Variants in ANKAR observed in about 807,000 individuals in gnomAD.
ANKAR encodes the protein ankyrin and armadillo repeat containing.
A neutral mutation model predicts 146.2 loss-of-function variants in ANKAR; 136 were observed. The observed-to-expected ratio is 0.93, with a 90% CI of 0.81 to 1.07. ANKAR has a LOEUF of 1.07. Among genes scored for constraint, ANKAR ranks in the 50% least tolerant of loss-of-function variants. The probability of loss-of-function intolerance (pLI) is 0.00; values close to 1 mark genes in which losing one functional copy is unlikely to be tolerated. For missense variants in ANKAR, 1,567 were observed against 1,679.9 expected, an observed-to-expected ratio of 0.93 and a Z score of 1.18; for synonymous variants, 500 against 575.8, an observed-to-expected ratio of 0.87 and a Z score of 1.88.
At position 189,730,507 on chromosome 2, in the gene ANKAR, C is replaced by T; in HGVS notation, c.3206C>T (p.Thr1069Ile). ...TGGACTCTTACAGGTGTAGCCCATA[C>T]AAGCAATCCTGTCAGTCAACAATTG... ...VGSICIGVAH[T>I]SNPVSQQLVV... is the part of the protein sequence containing the mutation. The change falls in exon 16 of 23, where the codon ACA becomes ATA. Residue 1069 changes from threonine to isoleucine, a missense_variant. Coordinates refer to ENST00000684021, the MANE Select transcript of ANKAR (RefSeq NM_001378068.1). 6.3e-7 allele frequency: 1 copy of T among 1,598,550 alleles called. No individual in the cohort carries two copies. Among genetic ancestry groups the T allele is most frequent in the Non-Finnish European group, 8.5e-7 (1 of 1,170,862 alleles).
chr2:189,745,198 AAAG>A (rs2043974742), intron 22 of ANKAR, among the ~76,000 whole-genome samples: 1 of 151,850 alleles, frequency 6.6e-6, no homozygotes, highest in Non-Finnish European at 1.5e-5. Flanking sequence ...CTCAAAAAAA[AAAG>A]TAGAGGGTAC....
chr2:189,720,537 C>T (rs1484747143), intron 11 of ANKAR, 82 bp from the exon 12 acceptor site: 2 of 1,061,718 alleles, frequency 1.9e-6, no homozygotes, highest in African/African-American at 3.3e-5. Flanking sequence ...TGAGCCACCA[C>T]TTCCGGCCAA....
At chr2:189,727,544 A>AAAAAAAAAG (rs1559126243) in intron 12 of ANKAR, among the ~76,000 whole-genome samples, 1 of 149,850 alleles carries the variant, frequency 6.7e-6, no homozygotes, top group African/African-American at 2.5e-5. Flanking sequence ...AAAAAAAAAA[A>AAAAAAAAAG]AAGGGTGGTG....
chr2:189,707,168 A>G, intron 9 of ANKAR, 22 bp downstream of exon 9: 1 of 1,296,854 alleles, frequency 7.7e-7, no homozygotes, highest in East Asian at 2.6e-5. Context: ...CTCTTTATAA[A>G]TACATGTTCT....
In ANKAR at chr2:189,689,956, CT is replaced by C. The variant is rs1372933355; in HGVS notation, c.1036del (p.Ser346GlnfsTer59). 4 of 1,496,190 alleles carry C rather than the reference CT, an allele frequency of 2.7e-6. No individual in the cohort carries two copies. Among genetic ancestry groups the C allele is most frequent in the South Asian group, 1.5e-5 (1 of 67,580 alleles). The allele number at this position is 1,496,190 out of a possible 1,614,324, so 92.7% of individuals were successfully genotyped here. On this transcript the variant is annotated frameshift_variant, in exon 3 of 23. Transcript: ENST00000684021. LOFTEE classifies it high-confidence loss of function. ...KVPYLSSLLQ[P>X]FSDDKVKTER... ...CCATATTTAAGTAGTCTGCTTCAGC[CT>C]TTTTCAGGTAAGAGTATCACCAAAA...
At chr2:189,742,848 A>C (rs2043478016) in intron 20 of ANKAR, among the ~76,000 whole-genome samples, 1 of 35,254 alleles carries the variant, frequency 2.8e-5, no homozygotes, top group Non-Finnish European at 1.5e-4. Context: ...ACACACACAC[A>C]CACATTAGAA....
chr2:189,748,905 C>G (rs2044607658), downstream of ANKAR, among the ~76,000 whole-genome samples: 1 of 152,142 alleles, frequency 6.6e-6, no homozygotes, highest in Non-Finnish European at 1.5e-5. Flanking sequence ...GACCATCCTA[C>G]CACTCCTAAA....
At chr2:189,691,685 A>G (rs1044441223) in intron 3 of ANKAR, among the ~76,000 whole-genome samples, 2 of 148,352 alleles carry the variant, frequency 1.3e-5, no homozygotes, top group Non-Finnish European at 3.0e-5. Context: ...TTGTATATAT[A>G]CATACATATA....
chr2:189,695,724 C>G (rs1159216281), intron 6 of ANKAR, among the ~76,000 whole-genome samples: 2 of 152,190 alleles, frequency 1.3e-5, no homozygotes, highest in Non-Finnish European at 2.9e-5. Flanking sequence ...CAAATTAAAA[C>G]CTCAAAAATT....
chr2:189,706,977 A>T lies in ANKAR; in HGVS notation c.1950A>T (p.Gly650=). 6.2e-7 allele frequency: 1 copy of T among 1,613,078 alleles called. No individual in the cohort carries two copies. The highest frequency in any genetic ancestry group is 2.2e-5 in the East Asian group (1 of 44,844). ...CTPLLLAATS[G]ALDTIQYLFS... is the part of the protein sequence containing the mutation. ...CACTGTTACTTGCTGCCACTTCAGG[A>T]GCACTGGACACTATTCAATACCTGT... The change falls in exon 9 of 23, where the codon GGA becomes GGT. Residue 650 remains glycine, a synonymous_variant. Coordinates refer to ENST00000684021, the MANE Select transcript of ANKAR (RefSeq NM_001378068.1).
downstream of ANKAR, chr2:189,762,833 T>C (rs2047328135): frequency 2.0e-6 from 2 of 985,460 alleles, no homozygotes; most frequent in Non-Finnish European, 2.4e-6. Context: ...AGCTGGCTGC[T>C]GTTCCGCTAG....
intron 2 of ANKAR, among the ~76,000 whole-genome samples, chr2:189,678,774 A>G (rs1430984045): frequency 6.6e-6 from 1 of 152,102 alleles, no homozygotes; most frequent in Non-Finnish European, 1.5e-5. Context: ...ATTCTGTTCC[A>G]TTGGTCTCTG....
chr2:189,727,478 C>T (rs1282083162), intron 12 of ANKAR, among the ~76,000 whole-genome samples: 1 of 127,156 alleles, frequency 7.9e-6, no homozygotes, highest in Non-Finnish European at 1.6e-5. Flanking sequence ...TGAGATCACA[C>T]ACACCACTGC....
At chr2:189,762,743 C>T (rs2047312621), downstream of ANKAR, 2 of 985,422 alleles carry the variant, frequency 2.0e-6, no homozygotes, top group South Asian at 9.4e-5. Context: ...AGACTGTCGA[C>T]TGCCCTTATC....
rs146452178 is a variant in ANKAR at position 189,709,273 on chromosome 2, AAG to A, written c.2120-1773_2120-1772del. On this transcript the variant is annotated intron_variant, in intron 9 of 22. Transcript: ENST00000684021. Reference sequence around the variant, plus strand: ...AAGTAAGAGGAAAGAGCAACGTTGAAAGAGTTAATTTCCCATTTTTCATAACA... The same window carrying A: ...AAGTAAGAGGAAAGAGCAACGTTGAAAGTTAATTTCCCATTTTTCATAACA... 3.3e-3 allele frequency among the ~76,000 whole-genome samples: 499 copies of A among 152,324 alleles called. 14 individuals carry two copies. In the East Asian group the frequency reaches 0.08, roughly 25 times the overall value.
chr2:189,705,103 A>C lies in ANKAR; in HGVS notation c.1789A>C (p.Thr597Pro). The C allele has an allele frequency of 6.2e-7, 1 of 1,614,064 alleles. No homozygotes were observed. Among genetic ancestry groups the C allele is most frequent in the Middle Eastern group, 1.6e-4 (1 of 6,062 alleles). Residue 597 changes from threonine (T) to proline (P), a missense_variant, in exon 8 of 23, where the codon ACG (threonine) becomes CCG (proline). Transcript: ENST00000684021. ...VCLLCSKADY[T>P]LSEKRGWMPI... ...TCTACTGTGTTCCAAAGCTGATTAC[A>C]CGCTTTCTGAAAAAAGAGGCTGGAT...
chr2:189,704,905 T>C (rs1285917916), intron 7 of ANKAR, 118 bp from the exon 8 acceptor site: 3 of 901,152 alleles, frequency 3.3e-6, no homozygotes, highest in Non-Finnish European at 4.9e-6. Flanking sequence ...TAATGCTTAC[T>C]TTGGAGATTT....
intron 18 of ANKAR, chr2:189,755,268 C>T (rs747446263): frequency 6.2e-7 from 1 of 1,613,472 alleles, no homozygotes; most frequent in South Asian, 1.1e-5. Context: ...CAGTGACCTC[C>T]AGAAATCAAA....
At chr2:189,696,760 A>G (rs531187503) in intron 7 of ANKAR, among the ~76,000 whole-genome samples, 1 of 152,338 alleles carries the variant, frequency 6.6e-6, no homozygotes, top group Admixed American at 6.5e-5. Flanking sequence ...AAATTAATAT[A>G]CACTGATATA....
Sources: gnomAD v4.1 joint callset for allele counts (sites outside exome capture counted in the v4.1 genomes callset) on GRCh38, gnomAD v4.1.1 for gene constraint, MANE v1.5 for transcripts, NCBI Gene and HGNC (gene_info 2026-07-23, HGNC 2026-07-21) for gene names.